The following UTP20 variants were observed in gnomAD, a reference collection of about 807,000 sequenced individuals.
The protein encoded by UTP20 is UTP20 small subunit processome component, also known as small subunit processome component 20 homolog.
In UTP20, 164 loss-of-function variants were observed where a neutral mutation model predicts 329.5. That is an observed-to-expected ratio of 0.50 (90% CI 0.44 to 0.57). UTP20 has a LOEUF of 0.57. UTP20 is among the 20% of genes least tolerant of loss of function. The probability of loss-of-function intolerance (pLI) is 0.00; values close to 1 mark genes in which losing one functional copy is unlikely to be tolerated. For synonymous variants in UTP20, 1,151 were observed against 1,159.3 expected, an observed-to-expected ratio of 0.99 and a Z score of 0.14; for missense variants, 3,055 against 3,284.2, an observed-to-expected ratio of 0.93 and a Z score of 1.71.
rs1406713277 is a variant in UTP20, at chr12:101,333,368, T to C, written c.3485T>C (p.Ile1162Thr). ...RRLGIKMVTD[I>T]FLDWESYQFR... ...CTTGGAATCAAAATGGTAACTGATA[T>C]CTTTTTGGACTGGGAATCATATCAG... The change falls in exon 28 of 62, where the codon ATC (isoleucine) becomes ACC (threonine). Residue 1162 changes from isoleucine to threonine, a missense_variant. Around this residue, in one of 3 missense-constraint regions of UTP20, gnomAD observed 2,445 missense variants for 2,575.5 expected, o/e 0.95. Transcript: ENST00000261637. 2.5e-6 allele frequency: 4 copies of C among 1,614,038 alleles called. No individual in the cohort carries two copies. The highest frequency in any genetic ancestry group is 1.7e-5 in the Admixed American group (1 of 60,010).
At chr12:101,292,355 G>A (rs1338206965) in intron 10 of UTP20, among the ~76,000 whole-genome samples, 1 of 152,166 alleles carries the variant, frequency 6.6e-6, no homozygotes, top group Non-Finnish European at 1.5e-5. Context: ...TGCAATATAT[G>A]TAAGCACATA....
rs1168705254 is a variant in UTP20, at chr12:101,338,249, A to G, written c.3840A>G (p.Val1280=). Reference sequence around the variant, plus strand: ...TGAACTTGCTGGTAACTGGATGTGTATACCCTGGCATAGCAGAAAACATCG... The same window carrying G: ...TGAACTTGCTGGTAACTGGATGTGTGTACCCTGGCATAGCAGAAAACATCG... ...TVLNLLVTGC[V]YPGIAENIGE... is the part of the protein sequence containing the mutation. Residue 1280 remains valine, a synonymous_variant, in exon 30 of 62, where the codon GTA becomes GTG. Coordinates refer to ENST00000261637, the MANE Select transcript of UTP20 (RefSeq NM_014503.3). The G allele has an allele frequency of 6.2e-7, 1 of 1,614,180 alleles. No individual in the cohort carries two copies. Among genetic ancestry groups the G allele is most frequent in the Non-Finnish European group, 8.5e-7 (1 of 1,180,018 alleles).
rs141585791 is a variant in UTP20 at position 101,284,344 on chromosome 12, T to C, written c.127-1226T>C. 5.6e-3 allele frequency among the ~76,000 whole-genome samples: 849 copies of C among 152,316 alleles called. 7 individuals are homozygous for C. Among genetic ancestry groups the C allele is most frequent in the African/African-American group, 0.02 (816 of 41,574 alleles). On this transcript the variant is annotated intron_variant, in intron 2 of 61. Transcript: ENST00000261637. ...ACTTATAAGTCAGAACATGCAGTTT[T>C]TGGTTTTCTGTTCCTATGTTAATTT...
In UTP20 at chr12:101,324,217, CATTT is replaced by C. The variant is rs200869541; in HGVS notation, c.3041+2621_3041+2624del. Among the ~76,000 whole-genome samples, 542 of 146,568 alleles carry C rather than the reference CATTT, an allele frequency of 3.7e-3. 3 individuals carry two copies. The highest frequency in any genetic ancestry group is 0.011 in the African/African-American group (454 of 39,702). ...ACTTTCTCTACTGATTTGAGAGCCACATTTATTTATTTATTTATTTATTTATTTA... is the reference window on the plus strand; with the variant it reads ...ACTTTCTCTACTGATTTGAGAGCCACATTTATTTATTTATTTATTTATTTA... On this transcript the variant is annotated intron_variant, in intron 25 of 61. Transcript: ENST00000261637.
intron 51 of UTP20, 148 bp downstream of exon 51, chr12:101,371,316 C>A: frequency 1.7e-6 from 1 of 592,984 alleles, no homozygotes; most frequent in Non-Finnish European, 2.7e-6. Flanking sequence ...TGCAGGTGGT[C>A]AGGGGAGGCT....
chr12:101,291,008 C>G (rs1222635166), intron 8 of UTP20, 120 bp downstream of exon 8: 6 of 1,050,256 alleles, frequency 5.7e-6, no homozygotes, highest in Admixed American at 3.3e-5. Flanking sequence ...ATTTATACTT[C>G]TGTACACATA....
intron 56 of UTP20, among the ~76,000 whole-genome samples, chr12:101,377,847 C>A (rs1870526041): frequency 6.6e-6 from 1 of 152,146 alleles, no homozygotes; most frequent in Admixed American, 6.5e-5. Flanking sequence ...CCTTTACCAG[C>A]ATTGGGAAAT....
At position 101,354,840 on chromosome 12, in the gene UTP20, G is replaced by A; in HGVS notation, c.5116G>A (p.Glu1706Lys). 1 of 1,612,792 alleles carries A rather than the reference G, an allele frequency of 6.2e-7. No individual in the cohort carries two copies. Among genetic ancestry groups the A allele is most frequent in the South Asian group, 1.1e-5 (1 of 90,832 alleles). The change falls in exon 41 of 62, where the codon GAA becomes AAA. Residue 1706 changes from glutamate (E) to lysine (K), a missense_variant. By Grantham distance (56) the Glu-to-Lys change is moderately conservative. Around this residue, in one of 3 missense-constraint regions of UTP20, gnomAD observed 2,445 missense variants for 2,575.5 expected, o/e 0.95. Coordinates refer to ENST00000261637, the MANE Select transcript of UTP20 (RefSeq NM_014503.3). ...GKIENEENAIEAIELPEPEAM... is the reference protein window; with the variant it reads ...GKIENEENAIKAIELPEPEAM... Reference sequence around the variant, plus strand: ...TTGTTTATTAAACATAGACGCAATTGAAGCAATTGAGTTACCAGAGCCTGA... The same window carrying A: ...TTGTTTATTAAACATAGACGCAATTAAAGCAATTGAGTTACCAGAGCCTGA...
chr12:101,307,267 G>A (rs1292777510), intron 17 of UTP20, among the ~76,000 whole-genome samples: 4 of 146,002 alleles, frequency 2.7e-5, no homozygotes, highest in South Asian at 2.2e-4. Context: ...ACCATTAATC[G>A]GCAAATATTC....
At chr12:101,357,954 A>G (rs1432119044) in intron 43 of UTP20, among the ~76,000 whole-genome samples, 3 of 152,204 alleles carry the variant, frequency 2.0e-5, no homozygotes, top group Non-Finnish European at 4.4e-5. Context: ...GGTGATTTAA[A>G]GTTTGAGGAA....
intron 54 of UTP20, among the ~76,000 whole-genome samples, 153 bp downstream of exon 54, chr12:101,373,920 T>C (rs1393820495): frequency 6.6e-6 from 1 of 152,230 alleles, no homozygotes; most frequent in African/African-American, 2.4e-5. Flanking sequence ...TCTTAAAGTT[T>C]TCCAAAGTGT....
chr12:101,350,805 C>T (rs1195301618), intron 38 of UTP20, among the ~76,000 whole-genome samples: 4 of 152,024 alleles, frequency 2.6e-5, no homozygotes, highest in African/African-American at 9.7e-5. Flanking sequence ...GTTCTTTTCC[C>T]GTGTCTTCCT....
chr12:101,296,019 C>T (rs536844804), intron 12 of UTP20, among the ~76,000 whole-genome samples: 2 of 152,246 alleles, frequency 1.3e-5, no homozygotes, highest in Non-Finnish European at 2.9e-5. Flanking sequence ...AGAGAGGTTT[C>T]GTATACTCTT....
Position 101,386,269 on chromosome 12 carries a change from ACGAC to A in UTP20, c.*147_*150del. The stretch of plus-strand genomic sequence containing the variant: ...CTGTCACCCAAGGTGGAGTGCAGTG[ACGAC>A]ATCACAGCTCACTGCAGCCTCAACC... On this transcript the variant is annotated 3_prime_UTR_variant, in exon 62 of 62. Coordinates refer to ENST00000261637, the MANE Select transcript of UTP20 (RefSeq NM_014503.3). The A allele has an allele frequency of 2.9e-6, 2 of 695,486 alleles. No individual in the cohort carries two copies. Among genetic ancestry groups the A allele is most frequent in the Non-Finnish European group, 4.6e-6 (2 of 433,678 alleles). The allele number at this position is 695,486 out of a possible 1,614,324, so 43.1% of individuals were successfully genotyped here.
chr12:101,339,082 G>A (rs1875193437), intron 31 of UTP20, 125 bp downstream of exon 31: 1 of 980,622 alleles, frequency 1.0e-6, no homozygotes, highest in Non-Finnish European at 1.4e-6. Flanking sequence ...GGAGGCTGAG[G>A]TGGGTGGATC....
At chr12:101,354,775 CA>C in intron 40 of UTP20, 56 bp from the exon 41 acceptor site, 1 of 1,558,480 alleles carries the variant, frequency 6.4e-7, no homozygotes, top group Non-Finnish European at 8.7e-7. Flanking sequence ...CTGCTTACCA[CA>C]ACTGTGTGGT....
intron 7 of UTP20, 57 bp downstream of exon 7, chr12:101,290,331 A>G (rs1872098184): frequency 6.5e-7 from 1 of 1,530,970 alleles, no homozygotes; most frequent in Non-Finnish European, 8.8e-7. Context: ...CAGAAAGTAG[A>G]AAAGAATGAG....
chr12:101,333,340 C>T lies in UTP20; in HGVS notation c.3457C>T (p.Arg1153Cys), dbSNP rs150090423. The T allele has an allele frequency of 1.7e-4, 269 of 1,613,790 alleles. No homozygotes were observed. Among genetic ancestry groups the T allele is most frequent in the South Asian group, 6.6e-4 (60 of 91,036 alleles). The change falls in exon 28 of 62, where the codon CGT becomes TGT. Residue 1153 changes from arginine (R) to cysteine (C), a missense_variant. Arg to Cys is a radical substitution (Grantham distance 180, BLOSUM62 -3). Coordinates refer to ENST00000261637, the MANE Select transcript of UTP20 (RefSeq NM_014503.3). ...RFINPLKNLR[R>C]LGIKMVTDIF... ...TATTAATCCATTGAAAAATTTAAGACGTCTTGGAATCAAAATGGTAACTGA... is the reference window on the plus strand; with the variant it reads ...TATTAATCCATTGAAAAATTTAAGATGTCTTGGAATCAAAATGGTAACTGA...
chr12:101,325,007 A>G (rs1050969311), intron 25 of UTP20, among the ~76,000 whole-genome samples: 1 of 152,214 alleles, frequency 6.6e-6, no homozygotes, highest in East Asian at 1.9e-4. Context: ...CAAAACTTTT[A>G]TTAGCGTTAG....
Sources: allele counts gnomAD v4.1 joint callset (sites outside exome capture counted in the v4.1 genomes callset), GRCh38; gene constraint gnomAD v4.1.1; regional missense constraint gnomAD v4.1.1; transcripts MANE v1.5; gene names NCBI Gene and HGNC (gene_info 2026-07-23, HGNC 2026-07-21).